KATNAL1: variants seen among roughly 807,000 people sequenced by gnomAD.
KATNAL1 encodes katanin catalytic subunit A1 like 1, also known as katanin p60 ATPase-containing subunit A-like 1.
In KATNAL1, 32 loss-of-function variants were observed where a neutral mutation model predicts 55.2. The ratio of observed to expected loss-of-function variants is 0.58; its 90% CI spans 0.44 to 0.78. The LOEUF (loss-of-function observed/expected upper bound fraction) is 0.78. Ranked by LOEUF, KATNAL1 falls within the 30% of genes least tolerant of loss-of-function variation. KATNAL1 has a pLI of 0.00. For missense variants in KATNAL1, 466 were observed against 600.9 expected (o/e 0.78, Z 2.35); for synonymous variants, 193 against 193.6 (o/e 1.00, Z 0.02).
intron 3 of KATNAL1, among the ~76,000 whole-genome samples, chr13:30,270,744 A>G (rs1255996397): frequency 6.6e-6 from 1 of 151,206 alleles, no homozygotes; most frequent in South Asian, 2.1e-4. Context: ...ACCACTCCCT[A>G]ATCTCAAGTA....
intron 1 of KATNAL1, among the ~76,000 whole-genome samples, chr13:30,298,169 A>G (rs191665600): frequency 6.6e-6 from 1 of 152,340 alleles, no homozygotes; most frequent in East Asian, 1.9e-4. Context: ...CTTTATCGCA[A>G]TATTTGCTTT....
At chr13:30,211,460 G>A (rs1873680571) in intron 9 of KATNAL1, among the ~76,000 whole-genome samples, 1 of 152,180 alleles carries the variant, frequency 6.6e-6, no homozygotes, top group Non-Finnish European at 1.5e-5. Flanking sequence ...GAATATTAGT[G>A]TCTAATACAC....
At chr13:30,265,459 A>G (rs1036332867) in intron 3 of KATNAL1, among the ~76,000 whole-genome samples, 1 of 151,940 alleles carries the variant, frequency 6.6e-6, no homozygotes, top group African/African-American at 2.4e-5. Flanking sequence ...AATCAATCAC[A>G]TTCAGAAATA....
chr13:30,214,570 CAG>C (rs1275161224), intron 9 of KATNAL1, among the ~76,000 whole-genome samples: 2 of 152,152 alleles, frequency 1.3e-5, no homozygotes, highest in Non-Finnish European at 2.9e-5. Context: ...GGTACCAGAA[CAG>C]AGATATAGAT....
intron 3 of KATNAL1, among the ~76,000 whole-genome samples, chr13:30,262,378 C>T (rs574474436): frequency 1.3e-5 from 2 of 151,918 alleles, no homozygotes; most frequent in African/African-American, 4.8e-5. Context: ...CAGAGCAGAA[C>T]TGAAGGAAAT....
intron 1 of KATNAL1, among the ~76,000 whole-genome samples, chr13:30,302,378 T>C (rs1203276856): frequency 2.0e-5 from 3 of 151,762 alleles, no homozygotes; most frequent in Non-Finnish European, 2.9e-5. Context: ...AAAATACAAG[T>C]ATAAAAATAT....
chr13:30,257,417 T>C (rs546544961), intron 3 of KATNAL1, among the ~76,000 whole-genome samples: 71 of 152,356 alleles, frequency 4.7e-4, no homozygotes, highest in African/African-American at 1.7e-3. Flanking sequence ...CTTTTTAGAC[T>C]CAAGAGCTAG....
chr13:30,258,553 G>T (rs1878975242), intron 3 of KATNAL1, among the ~76,000 whole-genome samples: 1 of 152,080 alleles, frequency 6.6e-6, no homozygotes, highest in Admixed American at 6.5e-5. Flanking sequence ...TGATAAAGAG[G>T]TCATGATTCT....
chr13:30,251,279 T>C (rs1053899882), intron 4 of KATNAL1, among the ~76,000 whole-genome samples: 4 of 152,148 alleles, frequency 2.6e-5, no homozygotes, highest in African/African-American at 7.2e-5. Flanking sequence ...GTTACTTCTA[T>C]GTATATATCT....
intron 3 of KATNAL1, among the ~76,000 whole-genome samples, chr13:30,270,895 C>T (rs554078196): frequency 1.4e-5 from 2 of 147,996 alleles, no homozygotes; most frequent in African/African-American, 5.0e-5. Context: ...GAGAAACACC[C>T]AAGAATGATC....
intron 9 of KATNAL1, among the ~76,000 whole-genome samples, chr13:30,214,682 C>A (rs1874034021): frequency 6.6e-6 from 1 of 152,098 alleles, no homozygotes; most frequent in African/African-American, 2.4e-5. Context: ...AAAGGATTCC[C>A]TATTTAATAA....
intron 9 of KATNAL1, among the ~76,000 whole-genome samples, chr13:30,226,591 T>C (rs1000757921): frequency 3.3e-5 from 5 of 152,220 alleles, no homozygotes; most frequent in African/African-American, 1.2e-4. Context: ...GATTAGCTGG[T>C]AGGGGCACAC....
At chr13:30,213,192 C>T (rs969921646) in intron 9 of KATNAL1, among the ~76,000 whole-genome samples, 2 of 152,024 alleles carry the variant, frequency 1.3e-5, no homozygotes, top group African/African-American at 2.4e-5. Flanking sequence ...ATAAATTCCT[C>T]GACACATACA....
rs1281178020 is a variant in KATNAL1 at position 30,270,045 on chromosome 13, G to A, written c.323+10018C>T. On this transcript the variant is annotated intron_variant, in intron 3 of 10. Coordinates refer to ENST00000380615, the MANE Select transcript of KATNAL1 (RefSeq NM_032116.5). ...AGGTGGGGGTGTCAGCCCCCCGCCC[G>A]GCCAGCCGCCCCATCCGGGAGGGAG... 1.2e-4 allele frequency among the ~76,000 whole-genome samples: 15 copies of A among 123,506 alleles called. 1 individual carries two copies. In the East Asian group the frequency reaches 1.4e-3, roughly 12 times the overall value. 81.0% of individuals were successfully genotyped at this position (123,506 alleles called of 152,430 possible).
Position 30,307,411 on chromosome 13 carries a change from C to T in KATNAL1, c.-95G>A. 6.4e-6 allele frequency: 1 copy of T among 155,922 alleles called. No individual in the cohort carries two copies. The highest frequency in any genetic ancestry group is 1.4e-5 in the Non-Finnish European group (1 of 70,574). 9.7% of individuals were successfully genotyped at this position (155,922 alleles called of 1,614,324 possible). A position where few individuals can be genotyped will look rare whatever the true frequency, so the allele number is the denominator to read the frequency against. ...GGGGCGCAGGCCGCCGCCGCCGCCGCCGCCGAGTCCGTTAGCTCGCGACGT... is the reference window on the plus strand; with the variant it reads ...GGGGCGCAGGCCGCCGCCGCCGCCGTCGCCGAGTCCGTTAGCTCGCGACGT... On this transcript the variant is annotated 5_prime_UTR_variant, in exon 1 of 11. Transcript: ENST00000380615.
At chr13:30,305,747 T>A (rs1240409963) in intron 1 of KATNAL1, among the ~76,000 whole-genome samples, 1 of 152,256 alleles carries the variant, frequency 6.6e-6, no homozygotes, top group Non-Finnish European at 1.5e-5. Context: ...CTTGCACTTA[T>A]CTCTACCACA....
At chr13:30,253,050 A>G (rs754377966) in intron 4 of KATNAL1, among the ~76,000 whole-genome samples, 1 of 152,174 alleles carries the variant, frequency 6.6e-6, no homozygotes, top group Non-Finnish European at 1.5e-5. Flanking sequence ...CCTGGCCCCA[A>G]CACTCATTTT....
intron 3 of KATNAL1, among the ~76,000 whole-genome samples, chr13:30,260,796 C>A (rs1879220044): frequency 6.8e-6 from 1 of 147,856 alleles, no homozygotes; most frequent in African/African-American, 2.5e-5. Flanking sequence ...AAACACTCTG[C>A]AGGATATCAT....
intron 6 of KATNAL1, among the ~76,000 whole-genome samples, chr13:30,236,535 G>C (rs1307397710): frequency 1.3e-5 from 2 of 152,104 alleles, no homozygotes; most frequent in Non-Finnish European, 2.9e-5. Context: ...CTTTCTGCAG[G>C]CATTTGTCCT....
Sources: allele counts gnomAD v4.1 joint callset (sites outside exome capture counted in the v4.1 genomes callset), GRCh38; gene constraint gnomAD v4.1.1; transcripts MANE v1.5; gene names NCBI Gene and HGNC (gene_info 2026-07-23, HGNC 2026-07-21).